The following CLSTN3 variants were observed in gnomAD, a reference collection of about 807,000 sequenced individuals.
The protein encoded by CLSTN3 is calsyntenin-3.
In CLSTN3, 36 loss-of-function variants were observed where a neutral mutation model predicts 95.9. That is an observed-to-expected ratio of 0.38 (90% CI 0.29 to 0.50). The LOEUF (loss-of-function observed/expected upper bound fraction) is 0.50. Among genes scored for constraint, CLSTN3 ranks in the 20% least tolerant of loss-of-function variants. The pLI is 0.95. For missense variants in CLSTN3, 1,084 were observed against 1,268.8 expected (o/e 0.85, Z 2.21); for synonymous variants, 481 against 504.0 (o/e 0.95, Z 0.61).
rs922245338 is a variant in CLSTN3 at position 7,133,790 on chromosome 12, G to C, written c.383+22G>C. The C allele has an allele frequency of 2.6e-6, 4 of 1,538,520 alleles. No individual in the cohort carries two copies. In the African/African-American group the frequency reaches 5.5e-5, roughly 21 times the overall value. ...ACAAGTGAGGAAGTCCTTGTCTCCT[G>C]CCCCATGTGTTGCAGGGTCCTCCTC... On this transcript the variant is annotated intron_variant, in intron 3 of 17. Coordinates refer to ENST00000266546, the MANE Select transcript of CLSTN3 (RefSeq NM_014718.4). This position sits in a 1 kb window ranked among gnomAD's most constrained non-coding sequence, Gnocchi z 4.7.
At chr12:7,138,175 T>C in intron 8 of CLSTN3, 108 bp downstream of exon 8, 1 of 701,114 alleles carries the variant, frequency 1.4e-6, no homozygotes, top group East Asian at 2.9e-5. Flanking sequence ...CCTTGCCCTC[T>C]CTTTGCTTCT....
intron 1 of CLSTN3, chr12:7,131,792 T>C (rs1415462692): frequency 6.6e-6 from 3 of 456,438 alleles, no homozygotes; most frequent in East Asian, 1.4e-4. Flanking sequence ...GTGCACCATC[T>C]TGTGGCTTTC....
At chr12:7,145,328 C>T (rs769321768) in intron 12 of CLSTN3, among the ~76,000 whole-genome samples, 8 of 141,572 alleles carry the variant, frequency 5.7e-5, no homozygotes, top group South Asian at 4.8e-4. Context: ...CCTGAGGTCA[C>T]GGGAGAAAAT....
intron 1 of CLSTN3, chr12:7,131,072 C>A: frequency 2.4e-6 from 1 of 420,638 alleles, no homozygotes; most frequent in South Asian, 2.3e-5. Flanking sequence ...GGCCTCTCCC[C>A]GCGGCTCTCC....
Position 7,150,139 on chromosome 12 carries a change from G to A in CLSTN3, c.2246-405G>A, listed in dbSNP as rs1939698317. ...AGTGATGATTTGGTAGTTTCCAAAG[G>A]AAGCCAGGAGGGAGAATGGAGAAGA... is the stretch of plus-strand genomic sequence containing the variant. On this transcript the variant is annotated intron_variant, in intron 14 of 17. Coordinates refer to ENST00000266546, the MANE Select transcript of CLSTN3 (RefSeq NM_014718.4). The surrounding 1 kb of genome is among the most constrained non-coding windows in gnomAD (Gnocchi z 4.0). 6.6e-6 allele frequency among the ~76,000 whole-genome samples: 1 copy of A among 152,220 alleles called. No individual in the cohort carries two copies. The highest frequency in any genetic ancestry group is 1.5e-5 in the Non-Finnish European group (1 of 68,046).
chr12:7,144,622 G>T (rs1017543942), intron 12 of CLSTN3, among the ~76,000 whole-genome samples: 1 of 152,094 alleles, frequency 6.6e-6, no homozygotes, highest in African/African-American at 2.4e-5. Context: ...CCATCTAGTG[G>T]GTGAATTACA....
upstream of CLSTN3, chr12:7,130,315 CCAGTCA>C: frequency 1.0e-6 from 1 of 992,712 alleles, no homozygotes; most frequent in South Asian, 1.9e-5. Flanking sequence ...CCCCCCCCTC[CCAGTCA>C]CCTGATTGGC....
At position 7,141,517 on chromosome 12, in the gene CLSTN3, C is replaced by T; in HGVS notation, c.1486+113C>T. On this transcript the variant is annotated intron_variant, in intron 9 of 17. Transcript: ENST00000266546. The surrounding 1 kb of genome is among the most constrained non-coding windows in gnomAD (Gnocchi z 4.1). Reference sequence around the variant, plus strand: ...TGAGGCCGCCTCCTGCATCTCTCTGCAGCTGTGCAGGGTGACTCTGAAGAT... The same window carrying T: ...TGAGGCCGCCTCCTGCATCTCTCTGTAGCTGTGCAGGGTGACTCTGAAGAT... The T allele has an allele frequency of 9.0e-7, 1 of 1,111,370 alleles. No individual in the cohort carries two copies. The highest frequency in any genetic ancestry group is 1.9e-5 in the Admixed American group (1 of 53,038). The allele number at this position is 1,111,370 out of a possible 1,614,324, so 68.8% of individuals were successfully genotyped here. A position where few individuals can be genotyped will look rare whatever the true frequency, so the allele number is the denominator to read the frequency against.
In CLSTN3 at chr12:7,150,502, G is replaced by T; in HGVS notation, c.2246-42G>T. ...GGAGAGAGGGTCCTGCCCAGGTCCT[G>T]CCTCCACTGGCCCCTGCCCTGAGGT... On this transcript the variant is annotated intron_variant, in intron 14 of 17. Transcript: ENST00000266546. This position sits in a 1 kb window ranked among gnomAD's most constrained non-coding sequence, Gnocchi z 4.0. The T allele has an allele frequency of 6.3e-7, 1 of 1,587,546 alleles. No individual in the cohort carries two copies. The highest frequency in any genetic ancestry group is 8.6e-7 in the Non-Finnish European group (1 of 1,161,456).
At chr12:7,153,601 T>C (rs924592215) in intron 16 of CLSTN3, among the ~76,000 whole-genome samples, 9 of 152,222 alleles carry the variant, frequency 5.9e-5, no homozygotes, top group African/African-American at 2.2e-4. Context: ...GCTAAACCTA[T>C]TTATTTCAAA....
chr12:7,145,912 C>T (rs767193460), intron 12 of CLSTN3, among the ~76,000 whole-genome samples: 1 of 152,184 alleles, frequency 6.6e-6, no homozygotes, highest in Non-Finnish European at 1.5e-5. Context: ...TGGACCCTGC[C>T]TCTGTGCCGC....
chr12:7,153,761 G>A (rs1223079579), intron 16 of CLSTN3, among the ~76,000 whole-genome samples: 1 of 152,152 alleles, frequency 6.6e-6, no homozygotes, highest in Non-Finnish European at 1.5e-5. Context: ...AGATAGGGGT[G>A]CTGCCTGGCC....
At position 7,150,325 on chromosome 12, in the gene CLSTN3, G is replaced by A. The variant is rs1344302050; in HGVS notation, c.2246-219G>A. 6.6e-6 allele frequency among the ~76,000 whole-genome samples: 1 copy of A among 152,164 alleles called. No individual in the cohort carries two copies. The highest frequency in any genetic ancestry group is 1.5e-5 in the Non-Finnish European group (1 of 68,028). ...TCCATTCCTCCTCAGAACCTACAGA[G>A]CAGGAAATGGAGCCTTGATCTCTCC... On this transcript the variant is annotated intron_variant, in intron 14 of 17. Coordinates refer to ENST00000266546, the MANE Select transcript of CLSTN3 (RefSeq NM_014718.4). This position sits in a 1 kb window ranked among gnomAD's most constrained non-coding sequence, Gnocchi z 4.0.
chr12:7,137,155 C>T lies in CLSTN3; in HGVS notation c.1210+45C>T, dbSNP rs777104227. 69 of 1,517,578 alleles carry T rather than the reference C, an allele frequency of 4.5e-5. No individual in the cohort carries two copies. Among genetic ancestry groups the T allele is most frequent in the Non-Finnish European group, 5.0e-5 (57 of 1,129,192 alleles). The allele number at this position is 1,517,578 out of a possible 1,614,324, so 94.0% of individuals were successfully genotyped here. A position where few individuals can be genotyped will look rare whatever the true frequency, so the allele number is the denominator to read the frequency against. ...ACTAGCCAGAGGGGGAAACTGGCTT[C>T]TTGTCCCGCCTCTGTCACTGCCCAG... On this transcript the variant is annotated intron_variant, in intron 7 of 17. Coordinates refer to ENST00000266546, the MANE Select transcript of CLSTN3 (RefSeq NM_014718.4). This position sits in a 1 kb window ranked among gnomAD's most constrained non-coding sequence, Gnocchi z 4.4.
chr12:7,154,901 T>C (rs917466337), intron 16 of CLSTN3, among the ~76,000 whole-genome samples: 11 of 152,222 alleles, frequency 7.2e-5, no homozygotes, highest in Admixed American at 2.6e-4. Context: ...TGAGATGCTA[T>C]GCAGTTGCTA....
At position 7,137,938 on chromosome 12, in the gene CLSTN3, C is replaced by T; in HGVS notation, c.1211-17C>T. Reference sequence around the variant, plus strand: ...TCAGCCTCTGCACTTGACCCCATCCCCTTCCTGTGCCCTCAGAGGACGGCT... The same window carrying T: ...TCAGCCTCTGCACTTGACCCCATCCTCTTCCTGTGCCCTCAGAGGACGGCT... On this transcript the variant is annotated splice_polypyrimidine_tract_variant and intron_variant, in intron 7 of 17. Transcript: ENST00000266546. This position sits in a 1 kb window ranked among gnomAD's most constrained non-coding sequence, Gnocchi z 4.4. The T allele has an allele frequency of 6.2e-7, 1 of 1,603,944 alleles. No individual in the cohort carries two copies. Among genetic ancestry groups the T allele is most frequent in the Non-Finnish European group, 8.5e-7 (1 of 1,171,126 alleles).
chr12:7,130,030 G>A, upstream of CLSTN3: 1 of 62,594 alleles, frequency 1.6e-5, no homozygotes, highest in Non-Finnish European at 2.3e-5. Context: ...GTGGAAACAG[G>A]TTATGGCAGA....
chr12:7,152,073 A>G (rs939045660), intron 16 of CLSTN3, among the ~76,000 whole-genome samples: 3 of 151,778 alleles, frequency 2.0e-5, no homozygotes, highest in South Asian at 2.1e-4. Flanking sequence ...AAAAAAAAAA[A>G]AAAGAAAGAA....
Position 7,133,515 on chromosome 12 carries a change from A to G in CLSTN3, c.188-58A>G, listed in dbSNP as rs112073544. 7,295 of 1,557,088 alleles carry G rather than the reference A, an allele frequency of 4.7e-3. 265 individuals are homozygous for G. In the African/African-American group the frequency reaches 0.079, roughly 17 times the overall value. ...GTGGAGCTGGACCCCAGGTGGGGAGACTGAGGGTGGGGAAGGAGACACAGC... is the reference window on the plus strand; with the variant it reads ...GTGGAGCTGGACCCCAGGTGGGGAGGCTGAGGGTGGGGAAGGAGACACAGC... On this transcript the variant is annotated intron_variant, in intron 2 of 17. Transcript: ENST00000266546. The surrounding 1 kb of genome is among the most constrained non-coding windows in gnomAD (Gnocchi z 4.7).
Sources: gnomAD v4.1 joint callset for allele counts (sites outside exome capture counted in the v4.1 genomes callset) on GRCh38, gnomAD v4.1.1 for gene constraint, Gnocchi (gnomAD v3.1) non-coding constraint, MANE v1.5 for transcripts, NCBI Gene and HGNC (gene_info 2026-07-23, HGNC 2026-07-21) for gene names.